IFNGR1: variants seen among roughly 807,000 people sequenced by gnomAD.
IFNGR1 encodes AVP, type 2.
Under a neutral mutation model 35.4 loss-of-function variants are expected in IFNGR1, and 23 were observed. The ratio of observed to expected loss-of-function variants is 0.65; its 90% CI spans 0.47 to 0.92. The LOEUF (loss-of-function observed/expected upper bound fraction) is 0.92, where lower values mean the gene tolerates loss of function less well. Ranked by LOEUF, IFNGR1 falls within the 40% of genes least tolerant of loss-of-function variation. The pLI is 0.00. For missense variants in IFNGR1, 533 were observed against 583.4 expected (o/e 0.91, Z 0.89); for synonymous variants, 199 against 209.5 (o/e 0.95, Z 0.43).
At chr6:137,207,936 G>T (rs1161968003) in intron 1 of IFNGR1, among the ~76,000 whole-genome samples, 2 of 152,158 alleles carry the variant, frequency 1.3e-5, no homozygotes, top group Non-Finnish European at 2.9e-5. Flanking sequence ...GAAAATGTTT[G>T]GAACTTTACT....
intron 1 of IFNGR1, among the ~76,000 whole-genome samples, chr6:137,214,383 C>T (rs575231183): frequency 1.6e-4 from 24 of 152,328 alleles, no homozygotes; most frequent in African/African-American, 5.8e-4. Flanking sequence ...CCAACTTTCA[C>T]CGTAGCAAGG....
intron 1 of IFNGR1, among the ~76,000 whole-genome samples, chr6:137,215,043 A>C (rs1467255733): frequency 6.6e-6 from 1 of 152,270 alleles, no homozygotes; most frequent in African/African-American, 2.4e-5. Flanking sequence ...TTAAGTATTT[A>C]CTACAAGACA....
intron 6 of IFNGR1, among the ~76,000 whole-genome samples, chr6:137,199,234 C>A (rs920579116): frequency 7.0e-6 from 1 of 143,536 alleles, no homozygotes; most frequent in Non-Finnish European, 1.5e-5. Flanking sequence ...GACCTCTGAT[C>A]GTGTGAGTTA....
At chr6:137,210,303 G>GAA (rs767508687) in intron 1 of IFNGR1, among the ~76,000 whole-genome samples, 1 of 133,922 alleles carries the variant, frequency 7.5e-6, no homozygotes. Context: ...AGTTCTCTTA[G>GAA]AAAAAAAAAA....
At chr6:137,212,767 C>T (rs1188436779) in intron 1 of IFNGR1, among the ~76,000 whole-genome samples, 8 of 152,256 alleles carry the variant, frequency 5.3e-5, no homozygotes, top group East Asian at 1.9e-4. Flanking sequence ...TAGTTTTTAA[C>T]GTGAATCAAA....
chr6:137,207,089 T>C lies in IFNGR1; in HGVS notation c.86-12A>G, dbSNP rs761509783. ...AGTTGGTGTAGGCACTGTAAGAAAA[T>C]AAAAAAGTAAAAGGGACAATTGTAA... On this transcript the variant is annotated splice_polypyrimidine_tract_variant and intron_variant, in intron 1 of 6. Transcript: ENST00000367739. The C allele has an allele frequency of 7.4e-6, 12 of 1,613,000 alleles. No individual in the cohort carries two copies. The highest frequency in any genetic ancestry group is 1.0e-5 in the Non-Finnish European group (12 of 1,179,538).
At chr6:137,208,461 T>A (rs984492893) in intron 1 of IFNGR1, among the ~76,000 whole-genome samples, 8 of 152,082 alleles carry the variant, frequency 5.3e-5, no homozygotes, top group African/African-American at 1.9e-4. Context: ...GAAAAAGTGG[T>A]TTTGTGGCCA....
In IFNGR1 at chr6:137,198,230, G is replaced by A. The variant is rs1779141942; in HGVS notation, c.1271C>T (p.Ser424Phe). ...TGGGGGAAATTCTGAGTCAGATAAG[G>A]AGCTATGTGATTCCAGACAGCTGGA... ...TDSSCLESHSSLSDSEFPPNN... is the reference protein window; with the variant it reads ...TDSSCLESHSFLSDSEFPPNN... The change falls in exon 7 of 7, where the codon TCC becomes TTC. Residue 424 changes from serine to phenylalanine, a missense_variant. Coordinates refer to ENST00000367739, the MANE Select transcript of IFNGR1 (RefSeq NM_000416.3). 6.2e-7 allele frequency: 1 copy of A among 1,613,770 alleles called. No homozygotes were observed. Among genetic ancestry groups the A allele is most frequent in the South Asian group, 1.1e-5 (1 of 91,078 alleles).
intron 5 of IFNGR1, among the ~76,000 whole-genome samples, chr6:137,202,713 CAATAT>C (rs1373828723): frequency 2.0e-5 from 3 of 151,046 alleles, no homozygotes; most frequent in African/African-American, 7.3e-5. Flanking sequence ...ATATACTATA[CAATAT>C]GATCATGTCT....
chr6:137,212,361 G>A (rs574412185), intron 1 of IFNGR1, among the ~76,000 whole-genome samples: 13 of 152,240 alleles, frequency 8.5e-5, no homozygotes, highest in South Asian at 4.1e-4. Context: ...GGGTTCAAAC[G>A]ATTCTCCTGC....
At chr6:137,215,822 C>G (rs960298638) in intron 1 of IFNGR1, among the ~76,000 whole-genome samples, 1 of 152,152 alleles carries the variant, frequency 6.6e-6, no homozygotes, top group Admixed American at 6.5e-5. Context: ...AGTGATCCTC[C>G]TACCTCAGCC....
chr6:137,219,108 GC>G, intron 1 of IFNGR1, 134 bp downstream of exon 1: 1 of 1,169,926 alleles, frequency 8.5e-7, no homozygotes, highest in Non-Finnish European at 1.2e-6. Flanking sequence ...CGTCCCCGTC[GC>G]CCGCTCAGGG....
intron 6 of IFNGR1, among the ~76,000 whole-genome samples, chr6:137,199,218 T>C (rs929354688): frequency 6.7e-6 from 1 of 148,876 alleles, no homozygotes; most frequent in African/African-American, 2.5e-5. Context: ...AGATGGCCTA[T>C]TGTGGGACCT....
chr6:137,212,989 C>A (rs1355192578), intron 1 of IFNGR1, among the ~76,000 whole-genome samples: 2 of 152,150 alleles, frequency 1.3e-5, no homozygotes, highest in Non-Finnish European at 2.9e-5. Context: ...AGAGGAGAAA[C>A]TGTGTGGTTA....
intron 6 of IFNGR1, among the ~76,000 whole-genome samples, chr6:137,199,542 ATT>A (rs1779221374): frequency 1.2e-4 from 3 of 25,342 alleles, no homozygotes; most frequent in Non-Finnish European, 1.9e-4. Flanking sequence ...TATAATATAT[ATT>A]ATATAACATA....
intron 1 of IFNGR1, among the ~76,000 whole-genome samples, chr6:137,216,347 C>T (rs1349044707): frequency 1.3e-5 from 2 of 152,180 alleles, no homozygotes; most frequent in Non-Finnish European, 2.9e-5. Context: ...AAGCCAGTGG[C>T]ACACCCTGAT....
intron 1 of IFNGR1, among the ~76,000 whole-genome samples, chr6:137,214,304 T>C (rs1334538507): frequency 6.6e-6 from 1 of 152,198 alleles, no homozygotes; most frequent in East Asian, 1.9e-4. Flanking sequence ...TGTCAGAACA[T>C]ATTTGATTAC....
intron 6 of IFNGR1, among the ~76,000 whole-genome samples, chr6:137,199,333 T>C (rs1342611426): frequency 5.4e-5 from 7 of 129,318 alleles, no homozygotes; most frequent in Admixed American, 3.7e-4. Context: ...TAATTTATAA[T>C]ATATAATATA....
rs555880794 is a variant in IFNGR1 at position 137,218,597 on chromosome 6, C to T, written c.85+646G>A. The T allele has an allele frequency of 1.6e-5, 13 of 813,696 alleles. 1 individual carries two copies. Among genetic ancestry groups the T allele is most frequent in the Middle Eastern group, 3.5e-4 (1 of 2,868 alleles). The allele number at this position is 813,696 out of a possible 1,614,324, so 50.4% of individuals were successfully genotyped here. A position where few individuals can be genotyped will look rare whatever the true frequency, so the allele number is the denominator to read the frequency against. On this transcript the variant is annotated intron_variant, in intron 1 of 6. Transcript: ENST00000367739. ...ACCCTAAGCACTTTGAGTCCCCCCC[C>T]CCACCCCCGCTAAGAAAGAAGTATT...
Sources: allele counts gnomAD v4.1 joint callset (sites outside exome capture counted in the v4.1 genomes callset), GRCh38; gene constraint gnomAD v4.1.1; transcripts MANE v1.5; gene names NCBI Gene and HGNC (gene_info 2026-07-23, HGNC 2026-07-21).